SLITRK5: variants seen among roughly 807,000 people sequenced by gnomAD.
The protein encoded by SLITRK5 is SLIT and NTRK like family member 5, also known as SLIT and NTRK-like protein 5.
SLITRK5 carries 23 observed loss-of-function variants against 56.2 expected under a neutral mutation model. The ratio of observed to expected loss-of-function variants is 0.41; its 90% CI spans 0.29 to 0.58. The LOEUF (loss-of-function observed/expected upper bound fraction) is 0.58, where lower values mean the gene tolerates loss of function less well. Ranked by LOEUF, SLITRK5 falls within the 20% of genes least tolerant of loss-of-function variation. The pLI is 0.30. For synonymous variants in SLITRK5, 637 were observed against 531.8 expected (o/e 1.20, Z -2.72); for missense variants, 1,289 against 1,226.6 (o/e 1.05, Z -0.76).
chr13:87,675,472 T>G lies in SLITRK5; in HGVS notation c.84T>G (p.Phe28Leu). 1 of 1,614,202 alleles carries G rather than the reference T, an allele frequency of 6.2e-7. No homozygotes were observed. The highest frequency in any genetic ancestry group is 8.5e-7 in the Non-Finnish European group (1 of 1,180,038). ...MHSWMLQTLA[F>L]AVTSLVLSCA... ...GCTGGATGCTGCAGACTCTAGCGTT[T>G]GCTGTAACATCTCTCGTCCTTTCGT... The change falls in exon 2 of 2, where the codon TTT (phenylalanine) becomes TTG (leucine). Residue 28 changes from phenylalanine (F) to leucine (L), a missense_variant. Physicochemically the swap from Phe to Leu is conservative, Grantham distance 22. Coordinates refer to ENST00000683689, the MANE Select transcript of SLITRK5 (RefSeq NM_001384609.1).
In SLITRK5 at chr13:87,679,060, T is replaced by A. The variant is rs1011004797; in HGVS notation, c.*795T>A. The A allele has an allele frequency of 1.2e-5, 2 of 166,792 alleles. No homozygotes were observed. Among genetic ancestry groups the A allele is most frequent in the African/African-American group, 4.8e-5 (2 of 41,448 alleles). The allele number at this position is 166,792 out of a possible 1,614,324, so 10.3% of individuals were successfully genotyped here. On this transcript the variant is annotated 3_prime_UTR_variant, in exon 2 of 2. Transcript: ENST00000683689. ...TATTTAGCCTATGATTTTGCAGAGG[T>A]GTCACACTGTATTAGGATCTGCATT...
chr13:87,674,499 G>A (rs1490885713), intron 1 of SLITRK5: 3 of 593,212 alleles, frequency 5.1e-6, no homozygotes, highest in Non-Finnish European at 4.2e-6. Context: ...GAGGTATTCG[G>A]AGATTGCGGA....
At position 87,676,300 on chromosome 13, in the gene SLITRK5, G is replaced by A. The variant is rs765764841; in HGVS notation, c.912G>A (p.Gly304=). 3.5e-5 allele frequency: 57 copies of A among 1,613,960 alleles called. No individual in the cohort carries two copies. The highest frequency in any genetic ancestry group is 4.6e-5 in the Non-Finnish European group (54 of 1,180,018). ...MRPQTPLSTT[G]YLHTTPASVN... The stretch of plus-strand genomic sequence containing the variant: ...CGCAGACGCCTTTGAGCACCACGGG[G>A]TATTTACACACCACCCCGGCGTCAG... Residue 304 remains glycine, a synonymous_variant, in exon 2 of 2, where the codon GGG becomes GGA. Coordinates refer to ENST00000683689, the MANE Select transcript of SLITRK5 (RefSeq NM_001384609.1).
chr13:87,676,038 A>T lies in SLITRK5; in HGVS notation c.650A>T (p.Tyr217Phe). 1 of 1,614,126 alleles carries T rather than the reference A, an allele frequency of 6.2e-7. No homozygotes were observed. The highest frequency in any genetic ancestry group is 2.2e-5 in the East Asian group (1 of 44,848). ...LRGNRLKLLP[Y>F]VGLLQHMDKV... is the part of the protein sequence containing the mutation. ...GGGAACCGGCTGAAACTTCTGCCCTACGTGGGGCTCTTGCAGCACATGGAT... is the reference window on the plus strand; with the variant it reads ...GGGAACCGGCTGAAACTTCTGCCCTTCGTGGGGCTCTTGCAGCACATGGAT... Residue 217 changes from tyrosine (Y) to phenylalanine (F), a missense_variant, in exon 2 of 2, where the codon TAC (tyrosine) becomes TTC (phenylalanine). By Grantham distance (22) the Tyr-to-Phe change is conservative (BLOSUM62 3). This residue lies in a region of SLITRK5 where 291 missense variants were observed against 286.7 expected (regional missense o/e 1.02). Coordinates refer to ENST00000683689, the MANE Select transcript of SLITRK5 (RefSeq NM_001384609.1).
rs774111939 is a variant in SLITRK5, at chr13:87,676,886, A to G, written c.1498A>G (p.Thr500Ala). The change falls in exon 2 of 2, where the codon ACT becomes GCT. Residue 500 changes from threonine to alanine, a missense_variant. Physicochemically the swap from Thr to Ala is moderately conservative, Grantham distance 58 (BLOSUM62 0). Coordinates refer to ENST00000683689, the MANE Select transcript of SLITRK5 (RefSeq NM_001384609.1). ...YNLIREIQSG[T>A]FDPVPNLQLL... ...TCTCATCCGCGAGATTCAGTCTGGA[A>G]CTTTTGACCCGGTCCCAAACCTCCA... 1 of 1,614,134 alleles carries G rather than the reference A, an allele frequency of 6.2e-7. No homozygotes were observed. Among genetic ancestry groups the G allele is most frequent in the Non-Finnish European group, 8.5e-7 (1 of 1,180,026 alleles).
chr13:87,675,697 T>C lies in SLITRK5; in HGVS notation c.309T>C (p.Asn103=). The change falls in exon 2 of 2, where the codon AAT becomes AAC. Residue 103 remains asparagine, a synonymous_variant. Transcript: ENST00000683689. ...LNRLYPNEFV[N]YTGASILHLG... ...GTCTCTATCCCAATGAGTTTGTCAA[T>C]TACACTGGGGCTTCAATTTTGCATC... The C allele has an allele frequency of 6.2e-7, 1 of 1,614,142 alleles. No homozygotes were observed. Among genetic ancestry groups the C allele is most frequent in the Non-Finnish European group, 8.5e-7 (1 of 1,180,030 alleles).
chr13:87,679,382 A>G lies in SLITRK5; in HGVS notation c.*1117A>G, dbSNP rs894091183. On this transcript the variant is annotated 3_prime_UTR_variant, in exon 2 of 2. Transcript: ENST00000683689. ...TATTGTAGCCGATTTTCGATTGTTT[A>G]ACCAAACCCAGTTGCATTTGTACAG... The G allele has an allele frequency of 6.0e-6, 1 of 167,002 alleles. No individual in the cohort carries two copies. The highest frequency in any genetic ancestry group is 2.4e-5 in the African/African-American group (1 of 41,438). 10.3% of individuals were successfully genotyped at this position (167,002 alleles called of 1,614,324 possible). A position where few individuals can be genotyped will look rare whatever the true frequency, so the allele number is the denominator to read the frequency against.
chr13:87,676,652 G>T lies in SLITRK5; in HGVS notation c.1264G>T (p.Ala422Ser). The part of the protein sequence containing the change: ...KKMYLTENYI[A>S]VVRRTDFLEA... ...AATGTATCTGACAGAGAACTACATC[G>T]CTGTCGTGCGCAGGACAGACTTCCT... The change falls in exon 2 of 2, where the codon GCT (alanine) becomes TCT (serine). Residue 422 changes from alanine to serine, a missense_variant. Ala to Ser is a moderately conservative substitution (Grantham distance 99). Around this residue, in one of 3 missense-constraint regions of SLITRK5, gnomAD observed 985 missense variants for 906.0 expected, o/e 1.09. Coordinates refer to ENST00000683689, the MANE Select transcript of SLITRK5 (RefSeq NM_001384609.1). 1 of 1,613,918 alleles carries T rather than the reference G, an allele frequency of 6.2e-7. No individual in the cohort carries two copies. Among genetic ancestry groups the T allele is most frequent in the Non-Finnish European group, 8.5e-7 (1 of 1,180,032 alleles).
At chr13:87,673,593 C>G in intron 1 of SLITRK5, 1 of 1,120,962 alleles carries the variant, frequency 8.9e-7, no homozygotes, top group African/African-American at 1.6e-5. Flanking sequence ...TTTGCTTTCA[C>G]TGGGGTGGGG....
intron 1 of SLITRK5, among the ~76,000 whole-genome samples, chr13:87,674,977 T>G (rs1029087383): frequency 6.6e-6 from 1 of 151,462 alleles, no homozygotes; most frequent in African/African-American, 2.4e-5. Context: ...GGGCTGGGTA[T>G]AGGTGAGGTG....
In SLITRK5 at chr13:87,676,007, C is replaced by T; in HGVS notation, c.619C>T (p.Leu207Phe). ...TTTTGTGCCCTTAACGCACTTGGAC[C>T]TCCGGGGGAACCGGCTGAAACTTCT... ...FRFVPLTHLD[L>F]RGNRLKLLPY... The change falls in exon 2 of 2, where the codon CTC (leucine) becomes TTC (phenylalanine). Residue 207 changes from leucine (L) to phenylalanine (F), a missense_variant. Around this residue, in one of 3 missense-constraint regions of SLITRK5, gnomAD observed 291 missense variants for 286.7 expected, o/e 1.02. Coordinates refer to ENST00000683689, the MANE Select transcript of SLITRK5 (RefSeq NM_001384609.1). The T allele has an allele frequency of 6.2e-7, 1 of 1,614,136 alleles. No homozygotes were observed. The highest frequency in any genetic ancestry group is 8.5e-7 in the Non-Finnish European group (1 of 1,180,044).
intron 1 of SLITRK5, chr13:87,673,567 AT>A: frequency 7.8e-7 from 1 of 1,274,048 alleles, no homozygotes; most frequent in East Asian, 5.6e-5. Context: ...GAGAACTGAA[AT>A]TTCAAGGTAA....
rs529825786 is a variant in SLITRK5, at chr13:87,673,508, G to T, written c.-9+1299G>T. On this transcript the variant is annotated intron_variant, in intron 1 of 1. Coordinates refer to ENST00000683689, the MANE Select transcript of SLITRK5 (RefSeq NM_001384609.1). ...GGGGCGGGGAAGCACAGGGAGGGAGGGGGAGGGGACCCAACCTCGCTGAAT... is the reference window on the plus strand; with the variant it reads ...GGGGCGGGGAAGCACAGGGAGGGAGTGGGAGGGGACCCAACCTCGCTGAAT... 1.1e-5 allele frequency: 14 copies of T among 1,230,484 alleles called. No individual in the cohort carries two copies. The South Asian group carries it at 1.8e-4, about 15-fold the overall frequency. 76.2% of individuals were successfully genotyped at this position (1,230,484 alleles called of 1,614,324 possible).
At position 87,677,928 on chromosome 13, in the gene SLITRK5, C is replaced by T. The variant is rs766005919; in HGVS notation, c.2540C>T (p.Pro847Leu). 3.9e-5 allele frequency: 63 copies of T among 1,613,606 alleles called. No homozygotes were observed. Among genetic ancestry groups the T allele is most frequent in the Non-Finnish European group, 5.2e-5 (61 of 1,179,808 alleles). Residue 847 changes from proline to leucine, a missense_variant, in exon 2 of 2, where the codon CCG becomes CTG. Pro to Leu is a moderately conservative substitution (Grantham distance 98). Transcript: ENST00000683689. This position sits in a 1 kb window ranked among gnomAD's most constrained non-coding sequence, Gnocchi z 4.7. ...GAGCCCCGGGAGGACCTGCTGTCGC[C>T]GGTGCAGGACGCCGACCGCTTTTAC... ...TIEPREDLLSPVQDADRFYRG... is the reference protein window; with the variant it reads ...TIEPREDLLSLVQDADRFYRG...
intron 1 of SLITRK5, among the ~76,000 whole-genome samples, chr13:87,673,050 G>C (rs934120448): frequency 2.6e-5 from 4 of 151,694 alleles, no homozygotes; most frequent in Non-Finnish European, 2.9e-5. Context: ...TGCTGCTTGA[G>C]CAGCTGTGCC....
Position 87,676,585 on chromosome 13 carries a change from G to A in SLITRK5, c.1197G>A (p.Glu399=), listed in dbSNP as rs777454444. 1.9e-6 allele frequency: 3 copies of A among 1,614,124 alleles called. No homozygotes were observed. Among genetic ancestry groups the A allele is most frequent in the South Asian group, 1.1e-5 (1 of 91,078 alleles). ...TAAACTGCCAGGAGCGAAAGATCGAGAGCATCGCTGAACTGCAGCCCAAGC... is the reference window on the plus strand; with the variant it reads ...TAAACTGCCAGGAGCGAAAGATCGAAAGCATCGCTGAACTGCAGCCCAAGC... The part of the protein sequence containing the change: ...LNVNCQERKI[E]SIAELQPKPY... The change falls in exon 2 of 2, where the codon GAG becomes GAA. Residue 399 remains glutamate, a synonymous_variant. Transcript: ENST00000683689.
chr13:87,672,223 T>TG lies in SLITRK5; in HGVS notation c.-9+21dup, dbSNP rs1555296904. On this transcript the variant is annotated intron_variant, in intron 1 of 1. Transcript: ENST00000683689. ...CAGATGGCAACTGTGAGTACCCCTG[T>TG]GGGGGGGAGGGTGCAGCGAAGGCTG... Among the ~76,000 whole-genome samples the TG allele has an allele frequency of 4.6e-5, 7 of 151,736 alleles. No homozygotes were observed. Among genetic ancestry groups the TG allele is most frequent in the East Asian group, 2.0e-4 (1 of 5,098 alleles).
chr13:87,675,537 A>G lies in SLITRK5; in HGVS notation c.149A>G (p.Asn50Ser), dbSNP rs746967110. ...GATTATTATGGGGAAATCTGTGACA[A>G]TGCATGTCCTTGTGAGGAAAAGGAC... Reference protein sequence around the residue: ...TIDYYGEICDNACPCEEKDGI... With the variant: ...TIDYYGEICDSACPCEEKDGI... The change falls in exon 2 of 2, where the codon AAT becomes AGT. Residue 50 changes from asparagine to serine, a missense_variant. Around this residue, in one of 3 missense-constraint regions of SLITRK5, gnomAD observed 291 missense variants for 286.7 expected, o/e 1.02. Coordinates refer to ENST00000683689, the MANE Select transcript of SLITRK5 (RefSeq NM_001384609.1). 2 of 1,614,092 alleles carry G rather than the reference A, an allele frequency of 1.2e-6. No homozygotes were observed. Among genetic ancestry groups the G allele is most frequent in the South Asian group, 2.2e-5 (2 of 91,090 alleles).
rs368289029 is a variant in SLITRK5 at position 87,676,040 on chromosome 13, G to A, written c.652G>A (p.Val218Met). Residue 218 changes from valine to methionine, a missense_variant, in exon 2 of 2, where the codon GTG becomes ATG. This residue lies in a region of SLITRK5 where 291 missense variants were observed against 286.7 expected (regional missense o/e 1.02). Transcript: ENST00000683689. ...RGNRLKLLPY[V>M]GLLQHMDKVV... ...GAACCGGCTGAAACTTCTGCCCTAC[G>A]TGGGGCTCTTGCAGCACATGGATAA... The A allele has an allele frequency of 4.5e-5, 72 of 1,614,098 alleles. No homozygotes were observed. The Middle Eastern group carries it at 6.6e-4, about 15-fold the overall frequency.
Sources: allele counts gnomAD v4.1 joint callset (sites outside exome capture counted in the v4.1 genomes callset), GRCh38; gene constraint gnomAD v4.1.1; regional missense constraint gnomAD v4.1.1; non-coding constraint Gnocchi (gnomAD v3.1); transcripts MANE v1.5; gene names NCBI Gene and HGNC (gene_info 2026-07-23, HGNC 2026-07-21).